GRIK2: variants seen among roughly 807,000 people sequenced by gnomAD.
GRIK2 encodes glutamate receptor ionotropic, kainate 2.
In GRIK2, 32 loss-of-function variants were observed where a neutral mutation model predicts 100.3. The observed-to-expected ratio is 0.32, with a 90% confidence interval of 0.24 to 0.43. The LOEUF (loss-of-function observed/expected upper bound fraction) is 0.43. Ranked by LOEUF, GRIK2 falls within the 20% of genes least tolerant of loss-of-function variation. GRIK2 has a pLI of 1.00. For missense variants in GRIK2, 843 were observed against 1,114.9 expected (o/e 0.76, Z 3.47); for synonymous variants, 417 against 389.4 (o/e 1.07, Z -0.83).
intron 14 of GRIK2, among the ~76,000 whole-genome samples, chr6:101,985,158 A>T (rs889048096): frequency 6.6e-6 from 1 of 151,790 alleles, no homozygotes; most frequent in Non-Finnish European, 1.5e-5. Flanking sequence ...TTAAAACTTC[A>T]TACCATTCCC....
chr6:101,483,392 T>C (rs1215203074), intron 2 of GRIK2, among the ~76,000 whole-genome samples: 1 of 152,324 alleles, frequency 6.6e-6, no homozygotes, highest in East Asian at 1.9e-4. Flanking sequence ...TGGGTTCAAA[T>C]ATGCCACTTC....
rs1055902992 is a variant in GRIK2, at chr6:101,463,128, C to A, written c.115+63736C>A. On this transcript the variant is annotated intron_variant, in intron 2 of 16. Transcript: ENST00000369134. ...TGCTTGAAATTTGAATTAAGTGGAG[C>A]AATATGACAAATTATTTTAAACAAT... is the stretch of plus-strand genomic sequence containing the variant. Among the ~76,000 whole-genome samples the A allele has an allele frequency of 2.0e-5, 3 of 152,060 alleles. No homozygotes were observed. In the East Asian group the frequency reaches 5.8e-4, roughly 29 times the overall value.
chr6:101,990,867 T>A (rs1387281323), intron 14 of GRIK2, among the ~76,000 whole-genome samples: 2 of 151,850 alleles, frequency 1.3e-5, no homozygotes, highest in Non-Finnish European at 2.9e-5. Flanking sequence ...AGAGACTATG[T>A]CATAAAAAGG....
At chr6:101,892,145 C>T (rs1787146334) in intron 12 of GRIK2, among the ~76,000 whole-genome samples, 1 of 152,004 alleles carries the variant, frequency 6.6e-6, no homozygotes, top group South Asian at 2.1e-4. Context: ...TTCGAGGTAA[C>T]TGTGTGGGCA....
chr6:101,637,749 C>T lies in GRIK2; in HGVS notation c.541+11112C>T, dbSNP rs185446006. Among the ~76,000 whole-genome samples, 4 of 152,266 alleles carry T rather than the reference C, an allele frequency of 2.6e-5. No individual in the cohort carries two copies. The East Asian group carries it at 5.8e-4, about 22-fold the overall frequency. On this transcript the variant is annotated intron_variant, in intron 4 of 16. Transcript: ENST00000369134. ...ATACAGTGTCCATCATTGACACTCT[C>T]ATGCCTCTCTGATTTTAAATTTCTG... is the stretch of plus-strand genomic sequence containing the variant.
At chr6:101,835,464 C>CTTTTTT (rs764148146) in intron 10 of GRIK2, among the ~76,000 whole-genome samples, 2 of 89,020 alleles carry the variant, frequency 2.2e-5, no homozygotes, top group Non-Finnish European at 4.0e-5. Flanking sequence ...CTATGAGTTC[C>CTTTTTT]TTTTTTTTTT....
chr6:101,996,620 C>A (rs2128493728), intron 14 of GRIK2, among the ~76,000 whole-genome samples: 1 of 152,176 alleles, frequency 6.6e-6, no homozygotes, highest in African/African-American at 2.4e-5. Context: ...AGAGCATCAC[C>A]AGTGACAAAC....
At chr6:101,569,904 TTAAA>T (rs1777452615) in intron 2 of GRIK2, among the ~76,000 whole-genome samples, 1 of 152,148 alleles carries the variant, frequency 6.6e-6, no homozygotes, top group African/African-American at 2.4e-5. Context: ...TCTTGCCTTC[TTAAA>T]TAAATAGTAC....
At chr6:101,773,758 A>G (rs1344399305) in intron 7 of GRIK2, among the ~76,000 whole-genome samples, 2 of 152,274 alleles carry the variant, frequency 1.3e-5, no homozygotes, top group East Asian at 1.9e-4. Flanking sequence ...GAGGTAGCTT[A>G]CCATATTACT....
At chr6:101,853,357 A>G (rs530834111) in intron 10 of GRIK2, among the ~76,000 whole-genome samples, 4 of 152,340 alleles carry the variant, frequency 2.6e-5, no homozygotes, top group South Asian at 4.1e-4. Context: ...ATATGGCATT[A>G]GGGAATTACA....
intron 9 of GRIK2, among the ~76,000 whole-genome samples, chr6:101,812,177 T>A (rs1218861711): frequency 3.3e-5 from 5 of 151,484 alleles, no homozygotes; most frequent in Non-Finnish European, 7.4e-5. Context: ...GAAAACAAAA[T>A]ATGTAATTAT....
At chr6:101,657,728 A>G (rs890904744) in intron 4 of GRIK2, among the ~76,000 whole-genome samples, 2 of 152,282 alleles carry the variant, frequency 1.3e-5, no homozygotes, top group African/African-American at 4.8e-5. Flanking sequence ...TAGCAACCCA[A>G]AGGTCTTTTG....
chr6:101,733,708 C>CTTTTTTT (rs34438783), intron 7 of GRIK2, among the ~76,000 whole-genome samples: 46 of 83,936 alleles, frequency 5.5e-4, no homozygotes, highest in African/African-American at 6.6e-4. Context: ...ATTCCTCTTT[C>CTTTTTTT]TTTTTTTTTT....
chr6:101,836,258 A>G (rs562233751), intron 10 of GRIK2, among the ~76,000 whole-genome samples: 33 of 152,082 alleles, frequency 2.2e-4, no homozygotes, highest in Non-Finnish European at 4.1e-4. Context: ...TTAAAAATGA[A>G]TTTTAAAAAT....
rs143022829 is a variant in GRIK2, at chr6:101,664,521, A to G, written c.542-12102A>G. Among the ~76,000 whole-genome samples, 850 of 152,384 alleles carry G rather than the reference A, an allele frequency of 5.6e-3. 3 individuals carry two copies. The highest frequency in any genetic ancestry group is 0.018 in the African/African-American group (767 of 41,598). ...TTCTGAAGAGAAAATTGAAATTAGC[A>G]TATACTGAGCTTAGACCCTAAAGTG... On this transcript the variant is annotated intron_variant, in intron 4 of 16. Transcript: ENST00000369134.
intron 2 of GRIK2, among the ~76,000 whole-genome samples, chr6:101,459,430 T>C (rs1771180772): frequency 6.6e-6 from 1 of 152,174 alleles, no homozygotes; most frequent in Non-Finnish European, 1.5e-5. Flanking sequence ...CATAATATAC[T>C]CTTACTGAGA....
At chr6:102,047,580 T>TA (rs758753178) in intron 15 of GRIK2, among the ~76,000 whole-genome samples, 31 of 151,856 alleles carry the variant, frequency 2.0e-4, no homozygotes, top group Non-Finnish European at 4.0e-4. Flanking sequence ...AAACCCCATC[T>TA]CTACTAAAAA....
At chr6:101,796,857 T>C (rs149210109) in intron 7 of GRIK2, among the ~76,000 whole-genome samples, 6 of 152,232 alleles carry the variant, frequency 3.9e-5, no homozygotes, top group African/African-American at 9.6e-5. Context: ...ATTTATCTTA[T>C]AGTTTAATAA....
chr6:102,005,162 A>G (rs1795145941), intron 14 of GRIK2, among the ~76,000 whole-genome samples: 1 of 151,318 alleles, frequency 6.6e-6, no homozygotes, highest in Admixed American at 6.6e-5. Context: ...GTATATTTAT[A>G]TAAGTATATA....
Sources: allele counts gnomAD v4.1 joint callset (sites outside exome capture counted in the v4.1 genomes callset), GRCh38; gene constraint gnomAD v4.1.1; transcripts MANE v1.5; gene names NCBI Gene and HGNC (gene_info 2026-07-23, HGNC 2026-07-21).